TAMM41: variants seen among roughly 807,000 people sequenced by gnomAD.
TAMM41 encodes the protein TAM41 mitochondrial translocator assembly and maintenance homolog.
TAMM41 carries 36 observed loss-of-function variants against 44.1 expected under a neutral mutation model. That is an observed-to-expected ratio of 0.82 (90% CI 0.63 to 1.08). The LOEUF (loss-of-function observed/expected upper bound fraction) is 1.08, where lower values mean the gene tolerates loss of function less well. Among genes scored for constraint, TAMM41 ranks in the 50% least tolerant of loss-of-function variants. The probability of loss-of-function intolerance (pLI) is 0.00; values close to 1 mark genes in which losing one functional copy is unlikely to be tolerated. For synonymous variants in TAMM41, 164 were observed against 153.1 expected, an observed-to-expected ratio of 1.07 and a Z score of -0.53; for missense variants, 417 against 404.3, an observed-to-expected ratio of 1.03 and a Z score of -0.27.
chr3:11,812,050 C>A (rs1256430864), intron 5 of TAMM41, among the ~76,000 whole-genome samples: 1 of 152,164 alleles, frequency 6.6e-6, no homozygotes, highest in Non-Finnish European at 1.5e-5. Flanking sequence ...GCCTCAGCCT[C>A]CCGAGTAGCT....
intron 7 of TAMM41, among the ~76,000 whole-genome samples, chr3:11,804,085 A>C (rs2077832330): frequency 6.6e-6 from 1 of 152,178 alleles, no homozygotes; most frequent in Non-Finnish European, 1.5e-5. Flanking sequence ...AAAAGAAAAA[A>C]AAGTGAAGGG....
At chr3:11,841,263 T>C (rs1158196108) in intron 2 of TAMM41, among the ~76,000 whole-genome samples, 1 of 151,894 alleles carries the variant, frequency 6.6e-6, no homozygotes, top group African/African-American at 2.4e-5. Flanking sequence ...TTGTATTTTT[T>C]GTAGAGACAG....
chr3:11,808,051 G>A, intron 6 of TAMM41, 156 bp from the exon 7 acceptor site: 1 of 1,376,752 alleles, frequency 7.3e-7, no homozygotes, highest in Non-Finnish European at 9.5e-7. Context: ...AATGAAAAGG[G>A]CAGTGGGATT....
the TAMM41 span, among the ~76,000 whole-genome samples, chr3:11,778,283 G>A: frequency 6.6e-6 from 1 of 152,098 alleles, no homozygotes; most frequent in African/African-American, 2.4e-5. Context: ...GGAGTGCAGT[G>A]GTGCGATCAC....
rs866297805 is a variant in TAMM41 at position 11,799,632 on chromosome 3, G to A, written c.937+8201C>T. Among the ~76,000 whole-genome samples the A allele has an allele frequency of 3.3e-4, 51 of 152,280 alleles. 1 individual carries two copies. Among genetic ancestry groups the A allele is most frequent in the Admixed American group, 1.4e-3 (22 of 15,300 alleles). ...CATCATTAGAAGTGAAGAAAAGGCT[G>A]TGCAGGAAGAGAGGTTAAAATGTTT... On this transcript the variant is annotated intron_variant, in intron 7 of 7. Transcript: ENST00000455809.
chr3:11,804,996 CTTTTTTTTTTTTT>C (rs1156555980), intron 7 of TAMM41, among the ~76,000 whole-genome samples: 1 of 103,082 alleles, frequency 9.7e-6, no homozygotes, highest in Non-Finnish European at 1.9e-5. Flanking sequence ...ACGCCCAGCC[CTTTTTTTTTTTTT>C]TTTTTTTTTT....
At chr3:11,743,733 C>T in the TAMM41 span, among the ~76,000 whole-genome samples, 1 of 152,146 alleles carries the variant, frequency 6.6e-6, no homozygotes, top group Non-Finnish European at 1.5e-5. Flanking sequence ...TGTCGCCTCA[C>T]TTCTGGCCAC....
At chr3:11,766,345 T>C in the TAMM41 span, among the ~76,000 whole-genome samples, 24 of 152,132 alleles carry the variant, frequency 1.6e-4, 2 homozygotes, top group South Asian at 2.7e-3. Flanking sequence ...TCTGTATTTT[T>C]TTGTAGAGAC....
At chr3:11,725,880 T>C in the TAMM41 span, among the ~76,000 whole-genome samples, 44,588 of 152,054 alleles carry the variant, frequency 0.29, 6,776 homozygotes, top group Middle Eastern at 0.37. Flanking sequence ...TGGAATGGCT[T>C]TAAGATGGCC....
At chr3:11,799,910 T>TA (rs886637109) in intron 7 of TAMM41, among the ~76,000 whole-genome samples, 5 of 152,102 alleles carry the variant, frequency 3.3e-5, no homozygotes, top group African/African-American at 4.8e-5. Context: ...GCAGAAACCT[T>TA]AAAGGCCAGA....
chr3:11,769,460 G>A, the TAMM41 span, among the ~76,000 whole-genome samples: 2 of 151,604 alleles, frequency 1.3e-5, no homozygotes, highest in African/African-American at 2.4e-5. Context: ...GGGTCAGCAG[G>A]CCAAAGGGTA....
chr3:11,819,813 T>C (rs2078440569), intron 4 of TAMM41, among the ~76,000 whole-genome samples: 1 of 152,070 alleles, frequency 6.6e-6, no homozygotes, highest in Non-Finnish European at 1.5e-5. Context: ...TATATAAAAA[T>C]GCTTATTTTT....
the TAMM41 span, among the ~76,000 whole-genome samples, chr3:11,731,667 T>G: frequency 6.6e-6 from 1 of 152,138 alleles, no homozygotes; most frequent in African/African-American, 2.4e-5. Flanking sequence ...TGTTTTTATT[T>G]CCAGGGTGGG....
intron 7 of TAMM41, 55 bp downstream of exon 7, chr3:11,807,778 T>G (rs1345052500): frequency 6.5e-7 from 1 of 1,535,922 alleles, no homozygotes; most frequent in Admixed American, 2.0e-5. Flanking sequence ...TAACCAAGAG[T>G]GTGGAAGCCA....
chr3:11,722,054 A>G, the TAMM41 span: 1 of 152,248 alleles, frequency 6.6e-6, no homozygotes, highest in Non-Finnish European at 1.5e-5. Flanking sequence ...ACGTATTATT[A>G]TCTCATTTGA....
chr3:11,830,122 A>C (rs2078923580), intron 3 of TAMM41, among the ~76,000 whole-genome samples: 1 of 152,254 alleles, frequency 6.6e-6, no homozygotes, highest in Non-Finnish European at 1.5e-5. Flanking sequence ...GAGGAAATGC[A>C]GCATAGGTTT....
intron 4 of TAMM41, among the ~76,000 whole-genome samples, chr3:11,818,897 CAAA>C (rs11419189): frequency 4.1e-5 from 4 of 97,034 alleles, no homozygotes; most frequent in Non-Finnish European, 4.9e-5. Context: ...GACTCCATCT[CAAA>C]AAAAAAAAAA....
chr3:11,821,593 G>C (rs184626836), intron 4 of TAMM41, among the ~76,000 whole-genome samples: 1 of 152,176 alleles, frequency 6.6e-6, no homozygotes, highest in Non-Finnish European at 1.5e-5. Context: ...CCAAGGGTTG[G>C]GGAACCCAGA....
At chr3:11,790,315 T>G (rs1400508380), downstream of TAMM41, 9 of 612,616 alleles carry the variant, frequency 1.5e-5, no homozygotes, top group East Asian at 2.4e-4. Flanking sequence ...TTTCTTCTGA[T>G]GCTAAGCCCT....
Sources: gnomAD v4.1 joint callset for allele counts (sites outside exome capture counted in the v4.1 genomes callset) on GRCh38, gnomAD v4.1.1 for gene constraint, MANE v1.5 for transcripts, NCBI Gene and HGNC (gene_info 2026-07-23, HGNC 2026-07-21) for gene names.